The following PKHD1L1 variants were observed in gnomAD, a reference collection of about 807,000 sequenced individuals.
PKHD1L1 encodes the protein fibrocystin-L.
In PKHD1L1, 434 loss-of-function variants were observed where a neutral mutation model predicts 462.9. That is an observed-to-expected ratio of 0.94 (90% CI 0.87 to 1.02). The LOEUF is 1.02. PKHD1L1 is among the 50% of genes least tolerant of loss of function. The pLI, the probability that PKHD1L1 is intolerant of heterozygous loss-of-function variation, is 0.00. For synonymous variants in PKHD1L1, 1,781 were observed against 1,750.0 expected (o/e 1.02, Z -0.44); for missense variants, 5,202 against 5,096.1 (o/e 1.02, Z -0.63).
chr8:109,369,439 T>TC (rs1351245661), intron 2 of PKHD1L1, among the ~76,000 whole-genome samples: 1 of 152,192 alleles, frequency 6.6e-6, no homozygotes, highest in Admixed American at 6.5e-5. Context: ...TTCATTATTT[T>TC]CCCATAGATT....
chr8:109,483,743 A>G (rs1395599068), intron 57 of PKHD1L1, among the ~76,000 whole-genome samples: 1 of 151,436 alleles, frequency 6.6e-6, no homozygotes, highest in African/African-American at 2.4e-5. Context: ...TTTAAAATAT[A>G]TTTTATTATC....
chr8:109,427,604 T>G (rs1814836703), intron 25 of PKHD1L1, among the ~76,000 whole-genome samples: 1 of 152,012 alleles, frequency 6.6e-6, no homozygotes, highest in Non-Finnish European at 1.5e-5. Flanking sequence ...CATAAGGGAG[T>G]AACACCTTAG....
intron 41 of PKHD1L1, 136 bp from the exon 42 acceptor site, chr8:109,451,988 A>G (rs1816545340): frequency 2.9e-6 from 2 of 686,566 alleles, no homozygotes; most frequent in Non-Finnish European, 4.5e-6. Context: ...GAAAAAAAGC[A>G]TCAATCTACA....
intron 27 of PKHD1L1, among the ~76,000 whole-genome samples, 165 bp from the exon 28 acceptor site, chr8:109,432,941 T>C (rs1815194112): frequency 6.6e-6 from 1 of 152,236 alleles, no homozygotes; most frequent in Non-Finnish European, 1.5e-5. Flanking sequence ...GGAAATAAAA[T>C]GCCATTGACA....
intron 24 of PKHD1L1, among the ~76,000 whole-genome samples, chr8:109,425,577 AT>A (rs898178782): frequency 1.2e-4 from 19 of 152,018 alleles, no homozygotes; most frequent in African/African-American, 4.3e-4. Flanking sequence ...ATTTATAACA[AT>A]TTTTTATAGC....
intron 29 of PKHD1L1, 121 bp from the exon 30 acceptor site, chr8:109,436,217 A>G: frequency 2.0e-6 from 2 of 1,007,696 alleles, no homozygotes; most frequent in South Asian, 3.3e-5. Flanking sequence ...TCTATTGGCC[A>G]GTACATCTCT....
intron 62 of PKHD1L1, among the ~76,000 whole-genome samples, chr8:109,492,723 A>G (rs1818895810): frequency 1.3e-5 from 2 of 151,856 alleles, no homozygotes; most frequent in Admixed American, 6.6e-5. Context: ...TGAAGGAAAA[A>G]GTACTTAATT....
At chr8:109,440,259 G>A (rs1414890815) in intron 32 of PKHD1L1, among the ~76,000 whole-genome samples, 2 of 152,040 alleles carry the variant, frequency 1.3e-5, no homozygotes, top group Non-Finnish European at 2.9e-5. Context: ...ACCCTGACAA[G>A]TTTTCAACAA....
chr8:109,510,304 T>C (rs1033970509), intron 70 of PKHD1L1, among the ~76,000 whole-genome samples: 4 of 152,172 alleles, frequency 2.6e-5, no homozygotes, highest in Admixed American at 1.3e-4. Context: ...ACAGAGCCTA[T>C]TGTTAACAAA....
chr8:109,404,850 G>A, intron 15 of PKHD1L1, 137 bp downstream of exon 15: 2 of 1,159,402 alleles, frequency 1.7e-6, no homozygotes, highest in Non-Finnish European at 2.4e-6. Flanking sequence ...ATGACTTTGA[G>A]TATTTGTACG....
intron 2 of PKHD1L1, among the ~76,000 whole-genome samples, chr8:109,375,102 A>G (rs1811741915): frequency 6.6e-6 from 1 of 152,210 alleles, no homozygotes; most frequent in South Asian, 2.1e-4. Flanking sequence ...GCGTTTTCCA[A>G]CTTGGTTCCA....
At chr8:109,515,688 T>C (rs909140728) in intron 72 of PKHD1L1, among the ~76,000 whole-genome samples, 2 of 152,170 alleles carry the variant, frequency 1.3e-5, no homozygotes, top group African/African-American at 4.8e-5. Flanking sequence ...CTAAATTAAT[T>C]GGCAGTCATA....
intron 73 of PKHD1L1, among the ~76,000 whole-genome samples, chr8:109,520,083 G>C (rs756550138): frequency 1.3e-5 from 2 of 152,138 alleles, no homozygotes; most frequent in Non-Finnish European, 2.9e-5. Flanking sequence ...AAGCCTGTGG[G>C]AAGGCTTGCC....
chr8:109,383,342 A>T (rs1226586290), intron 4 of PKHD1L1, among the ~76,000 whole-genome samples: 1 of 110,054 alleles, frequency 9.1e-6, no homozygotes, highest in African/African-American at 3.7e-5. Flanking sequence ...TATATAATAT[A>T]TATTTTATAT....
At position 109,427,106 on chromosome 8, in the gene PKHD1L1, G is replaced by A. The variant is rs775782360; in HGVS notation, c.2950G>A (p.Ala984Thr). The stretch of plus-strand genomic sequence containing the variant: ...ACGAGAGGGAACCTGTGCTGGCTAC[G>A]CGTGGAACATCAAATGGAGAAGCAC... Reference protein sequence around the residue: ...VTREGTCAGYAWNIKWRSTCG... With the variant: ...VTREGTCAGYTWNIKWRSTCG... The change falls in exon 25 of 78, where the codon GCG (alanine) becomes ACG (threonine). Residue 984 changes from alanine to threonine, a missense_variant. Ala to Thr is a moderately conservative substitution (Grantham distance 58). This residue lies in a region of PKHD1L1 where 4,497 missense variants were observed against 4,336.8 expected (regional missense o/e 1.04). Coordinates refer to ENST00000378402, the MANE Select transcript of PKHD1L1 (RefSeq NM_177531.6). 1.9e-6 allele frequency: 3 copies of A among 1,613,786 alleles called. No individual in the cohort carries two copies. Among genetic ancestry groups the A allele is most frequent in the East Asian group, 2.2e-5 (1 of 44,884 alleles).
In PKHD1L1 at chr8:109,496,378, C is replaced by T. The variant is rs181443945; in HGVS notation, c.10328-541C>T. ...GACATTTGACTTGAAAATGGGATGG[C>T]CAGAAGGACATAGCAATGGAAAGAT... On this transcript the variant is annotated intron_variant, in intron 63 of 77. Coordinates refer to ENST00000378402, the MANE Select transcript of PKHD1L1 (RefSeq NM_177531.6). Among the ~76,000 whole-genome samples, 102 of 152,104 alleles carry T rather than the reference C, an allele frequency of 6.7e-4. 1 individual carries two copies. The highest frequency in any genetic ancestry group is 7.6e-4 in the Non-Finnish European group (52 of 67,990).
intron 51 of PKHD1L1, among the ~76,000 whole-genome samples, chr8:109,475,538 C>T (rs191283340): frequency 6.6e-6 from 1 of 152,156 alleles, no homozygotes; most frequent in Non-Finnish European, 1.5e-5. Context: ...TAATAACTTA[C>T]CTTTACTGAG....
chr8:109,402,766 AG>A (rs1290836685), intron 14 of PKHD1L1, among the ~76,000 whole-genome samples: 1 of 152,138 alleles, frequency 6.6e-6, no homozygotes, highest in Non-Finnish European at 1.5e-5. Flanking sequence ...TTATGCTCAG[AG>A]GCAGCATCAT....
At chr8:109,376,725 G>A (rs1199463070) in intron 2 of PKHD1L1, among the ~76,000 whole-genome samples, 1 of 152,106 alleles carries the variant, frequency 6.6e-6, no homozygotes, top group Admixed American at 6.5e-5. Context: ...ATTAAGTCAG[G>A]TACCACGTTA....
Sources: gnomAD v4.1 joint callset for allele counts (sites outside exome capture counted in the v4.1 genomes callset) on GRCh38, gnomAD v4.1.1 for gene constraint, gnomAD v4.1.1 regional missense constraint, MANE v1.5 for transcripts, NCBI Gene and HGNC (gene_info 2026-07-23, HGNC 2026-07-21) for gene names.